Variants in L3MBTL4 observed in about 807,000 individuals in gnomAD.
The protein encoded by L3MBTL4 is lethal(3)malignant brain tumor-like protein 4.
In L3MBTL4, 70 loss-of-function variants were observed where a neutral mutation model predicts 84.5. The observed-to-expected ratio is 0.83, with a 90% CI of 0.68 to 1.01. The LOEUF (loss-of-function observed/expected upper bound fraction) is 1.01, where lower values mean the gene tolerates loss of function less well. Among genes scored for constraint, L3MBTL4 ranks in the 50% least tolerant of loss-of-function variants. The pLI is 0.00. For synonymous variants in L3MBTL4, 274 were observed against 259.8 expected (o/e 1.05, Z -0.52); for missense variants, 715 against 754.8 (o/e 0.95, Z 0.62).
At chr18:6,322,827 A>G (rs1160354870) in intron 1 of L3MBTL4, among the ~76,000 whole-genome samples, 2 of 152,138 alleles carry the variant, frequency 1.3e-5, no homozygotes, top group African/African-American at 4.8e-5. Context: ...AGTATTTGAT[A>G]GCACAACAGG....
chr18:6,036,186 A>T (rs929195377), intron 16 of L3MBTL4, among the ~76,000 whole-genome samples: 2 of 152,188 alleles, frequency 1.3e-5, no homozygotes, highest in African/African-American at 2.4e-5. Context: ...CTTAGAGTTC[A>T]TTGAGCTTCT....
chr18:6,311,332 G>C (rs558451678), intron 3 of L3MBTL4, among the ~76,000 whole-genome samples: 1 of 151,670 alleles, frequency 6.6e-6, no homozygotes, highest in Non-Finnish European at 1.5e-5. Context: ...TAAAAGAAAA[G>C]GTCTCCTTTC....
intron 17 of L3MBTL4, chr18:5,960,851 A>G (rs2095259793): frequency 6.6e-6 from 1 of 152,276 alleles, no homozygotes; most frequent in African/African-American, 2.4e-5. Context: ...TCCTTTTAAT[A>G]AGAGAGAGCT....
At chr18:6,069,737 GC>G (rs1398747897) in intron 16 of L3MBTL4, among the ~76,000 whole-genome samples, 1 of 152,138 alleles carries the variant, frequency 6.6e-6, no homozygotes, top group Non-Finnish European at 1.5e-5. Context: ...CATGCAGTTG[GC>G]GAGGCTGATA....
intron 4 of L3MBTL4, among the ~76,000 whole-genome samples, chr18:6,295,556 G>C (rs937433258): frequency 6.6e-6 from 1 of 151,892 alleles, no homozygotes; most frequent in African/African-American, 2.4e-5. Context: ...CCTTGAATCA[G>C]AAAAGTAGAA....
At chr18:6,175,627 A>G (rs1289062183) in intron 12 of L3MBTL4, among the ~76,000 whole-genome samples, 1 of 152,228 alleles carries the variant, frequency 6.6e-6, no homozygotes, top group Admixed American at 6.5e-5. Context: ...AGTATTTGAC[A>G]AAGTTCAATA....
At chr18:6,314,672 C>T (rs958726110) in intron 1 of L3MBTL4, among the ~76,000 whole-genome samples, 3 of 152,260 alleles carry the variant, frequency 2.0e-5, no homozygotes, top group Admixed American at 6.5e-5. Flanking sequence ...TATCTGTCTG[C>T]ATGTTGCCAA....
intron 12 of L3MBTL4, among the ~76,000 whole-genome samples, chr18:6,210,597 G>A (rs954659238): frequency 6.6e-6 from 1 of 152,174 alleles, no homozygotes; most frequent in Non-Finnish European, 1.5e-5. Flanking sequence ...CATGGTTGCA[G>A]GAAGATATGT....
intron 1 of L3MBTL4, among the ~76,000 whole-genome samples, chr18:6,362,814 A>T (rs2053765107): frequency 6.6e-6 from 1 of 152,252 alleles, no homozygotes. Context: ...AGATACAGGA[A>T]AAACAAATGC....
chr18:6,099,070 G>A (rs923195495), intron 14 of L3MBTL4, among the ~76,000 whole-genome samples: 2 of 152,222 alleles, frequency 1.3e-5, no homozygotes, highest in Non-Finnish European at 2.9e-5. Context: ...CCTGATGGCA[G>A]CAGCAGGCAG....
chr18:6,170,624 G>A (rs1166713341), intron 13 of L3MBTL4, among the ~76,000 whole-genome samples: 1 of 152,140 alleles, frequency 6.6e-6, no homozygotes, highest in Non-Finnish European at 1.5e-5. Context: ...AATGCTTGGA[G>A]TGGAGTGAAG....
At chr18:6,384,888 A>C (rs1255125135) in intron 1 of L3MBTL4, among the ~76,000 whole-genome samples, 1 of 152,182 alleles carries the variant, frequency 6.6e-6, no homozygotes, top group East Asian at 1.9e-4. Context: ...CCATGTTCAA[A>C]AGAGAAAGGA....
At chr18:6,080,860 T>G in intron 16 of L3MBTL4, 21 bp downstream of exon 16, 1 of 1,519,656 alleles carries the variant, frequency 6.6e-7, no homozygotes, top group East Asian at 2.3e-5. Context: ...TTCTGTGTTT[T>G]GCTAGTGTTT....
chr18:6,087,430 CT>C (rs1260708761), intron 15 of L3MBTL4, among the ~76,000 whole-genome samples: 1 of 152,114 alleles, frequency 6.6e-6, no homozygotes. Flanking sequence ...GAATTAATCT[CT>C]TGAGTCCTTT....
intron 1 of L3MBTL4, among the ~76,000 whole-genome samples, chr18:6,328,126 TC>T (rs2051824801): frequency 1.3e-5 from 2 of 152,254 alleles, no homozygotes. Flanking sequence ...CTGCAATTTG[TC>T]TATCTCCAAC....
intron 14 of L3MBTL4, among the ~76,000 whole-genome samples, chr18:6,134,897 G>GT (rs969085474): frequency 3.3e-5 from 5 of 152,214 alleles, no homozygotes; most frequent in Admixed American, 2.6e-4. Context: ...CAGTGCCCCA[G>GT]TAGGGACTCG....
chr18:6,347,698 T>G (rs1008211720), intron 1 of L3MBTL4, among the ~76,000 whole-genome samples: 1 of 151,966 alleles, frequency 6.6e-6, no homozygotes, highest in Non-Finnish European at 1.5e-5. Context: ...ATCATAGATC[T>G]GCAGCAAACA....
chr18:6,202,853 C>T (rs1256112948), intron 12 of L3MBTL4, among the ~76,000 whole-genome samples: 2 of 152,160 alleles, frequency 1.3e-5, no homozygotes, highest in African/African-American at 4.8e-5. Flanking sequence ...GTACCAGTTA[C>T]ATACCTAACC....
intron 17 of L3MBTL4, chr18:5,960,591 TG>T (rs1339893845): frequency 6.6e-6 from 1 of 152,616 alleles, no homozygotes; most frequent in African/African-American, 2.4e-5. Context: ...CTCATCTCTG[TG>T]GCCCAGTCCC....
Sources: gnomAD v4.1 joint callset for allele counts (sites outside exome capture counted in the v4.1 genomes callset) on GRCh38, gnomAD v4.1.1 for gene constraint, MANE v1.5 for transcripts, NCBI Gene and HGNC (gene_info 2026-07-23, HGNC 2026-07-21) for gene names.